Variants in LIFR observed in about 807,000 individuals in gnomAD.
LIFR encodes the protein leukemia inhibitory factor receptor.
LIFR carries 84 observed loss-of-function variants against 122.2 expected under a neutral mutation model. That is an observed-to-expected ratio of 0.69 (90% CI 0.58 to 0.82). The LOEUF (loss-of-function observed/expected upper bound fraction) is 0.82, where lower values mean the gene tolerates loss of function less well. LIFR is among the 40% of genes least tolerant of loss of function. The pLI is 0.00. For missense variants in LIFR, 1,294 were observed against 1,311.6 expected, an observed-to-expected ratio of 0.99 and a Z score of 0.21; for synonymous variants, 422 against 434.7, an observed-to-expected ratio of 0.97 and a Z score of 0.36.
chr5:38,514,281 A>G (rs977033807), intron 5 of LIFR, among the ~76,000 whole-genome samples: 7 of 152,190 alleles, frequency 4.6e-5, no homozygotes, highest in Non-Finnish European at 1.0e-4. Flanking sequence ...GCTGACACAC[A>G]TGTGTTTTTA....
rs1000519192 is a variant in LIFR at position 38,479,645 on chromosome 5, C to T, written c.*1950G>A. 2 of 230,154 alleles carry T rather than the reference C, an allele frequency of 8.7e-6. No individual in the cohort carries two copies. The highest frequency in any genetic ancestry group is 1.2e-4 in the East Asian group (2 of 16,230). The allele number at this position is 230,154 out of a possible 1,614,324, so 14.3% of individuals were successfully genotyped here. ...GGAGAGATAAAGTACGGGATTGATA[C>T]ATTTCAACAGGGAACAAGGCAGGAG... On this transcript the variant is annotated 3_prime_UTR_variant, in exon 20 of 20. Coordinates refer to ENST00000453190, the MANE Select transcript of LIFR (RefSeq NM_001127671.2).
At chr5:38,563,429 C>A (rs1748904819) in intron 1 of LIFR, among the ~76,000 whole-genome samples, 1 of 152,080 alleles carries the variant, frequency 6.6e-6, no homozygotes, top group Admixed American at 6.6e-5. Flanking sequence ...CATAAAGAGT[C>A]CCCATGCTAG....
intron 5 of LIFR, among the ~76,000 whole-genome samples, chr5:38,516,918 G>A (rs1264394733): frequency 6.6e-6 from 1 of 152,146 alleles, no homozygotes; most frequent in Non-Finnish European, 1.5e-5. Flanking sequence ...GGACATGAAT[G>A]AAGTTGGAAG....
intron 1 of LIFR, among the ~76,000 whole-genome samples, chr5:38,570,136 C>T (rs1488796923): frequency 1.3e-5 from 2 of 152,168 alleles, no homozygotes; most frequent in Non-Finnish European, 2.9e-5. Flanking sequence ...TATACCTTAA[C>T]TTGCCCGTCT....
chr5:38,510,406 T>A, intron 7 of LIFR, 58 bp downstream of exon 7: 10 of 1,515,028 alleles, frequency 6.6e-6, no homozygotes, highest in Non-Finnish European at 8.2e-6. Flanking sequence ...GAATTAAGGC[T>A]TTCAAGGAAG....
Position 38,506,495 on chromosome 5 carries a change from A to T in LIFR, c.1121+8T>A, listed in dbSNP as rs3730267. 1.2e-6 allele frequency: 2 copies of T among 1,613,930 alleles called. No individual in the cohort carries two copies. The highest frequency in any genetic ancestry group is 1.7e-6 in the Non-Finnish European group (2 of 1,179,950). On this transcript the variant is annotated splice_region_variant and intron_variant, in intron 8 of 19. Coordinates refer to ENST00000453190, the MANE Select transcript of LIFR (RefSeq NM_001127671.2). ...TGCCATCTGACATCTTTTCCCAGTT[A>T]TCATTACCTTTCAACTAAAGTGTAG... is the stretch of plus-strand genomic sequence containing the variant.
chr5:38,597,463 G>C (rs115046183), upstream of LIFR, among the ~76,000 whole-genome samples: 1,063 of 152,314 alleles, frequency 7.0e-3, 13 homozygotes, highest in African/African-American at 0.024. Flanking sequence ...ATTAGTCACT[G>C]TAATTGCACA....
At chr5:38,518,383 T>A (rs968864663) in intron 5 of LIFR, among the ~76,000 whole-genome samples, 1 of 152,110 alleles carries the variant, frequency 6.6e-6, no homozygotes, top group Admixed American at 6.5e-5. Context: ...CCTGGGACTG[T>A]TGTGAGGATA....
intron 1 of LIFR, among the ~76,000 whole-genome samples, chr5:38,541,557 C>T (rs139251469): frequency 2.6e-5 from 4 of 152,214 alleles, no homozygotes; most frequent in African/African-American, 4.8e-5. Flanking sequence ...GCTTTTATCA[C>T]ATGATCAACC....
intron 1 of LIFR, chr5:38,530,929 C>T (rs544020612): frequency 6.5e-5 from 25 of 382,306 alleles, no homozygotes; most frequent in African/African-American, 4.7e-4. Context: ...TATAAAATTA[C>T]AACAAAATTA....
intron 1 of LIFR, among the ~76,000 whole-genome samples, chr5:38,570,682 T>C (rs1323916565): frequency 6.6e-6 from 1 of 152,228 alleles, no homozygotes; most frequent in Non-Finnish European, 1.5e-5. Context: ...TTCAGTGACT[T>C]GCCTAATTAA....
chr5:38,498,692 T>C (rs746969650), intron 12 of LIFR, among the ~76,000 whole-genome samples: 5 of 152,212 alleles, frequency 3.3e-5, no homozygotes, highest in African/African-American at 4.8e-5. Context: ...CTTTCGTATA[T>C]TGAAGTAAAT....
chr5:38,598,683 A>T (rs1210169432), upstream of LIFR, among the ~76,000 whole-genome samples: 2 of 151,718 alleles, frequency 1.3e-5, no homozygotes, highest in Non-Finnish European at 2.9e-5. Flanking sequence ...ACTCCTTCTC[A>T]GCTCCTCCAC....
chr5:38,547,272 G>A (rs1580163359), intron 1 of LIFR, among the ~76,000 whole-genome samples: 1 of 152,108 alleles, frequency 6.6e-6, no homozygotes, highest in Non-Finnish European at 1.5e-5. Context: ...AGTCTCACAC[G>A]TATCTTAAAC....
chr5:38,568,593 G>A (rs969124449), intron 1 of LIFR, among the ~76,000 whole-genome samples: 1 of 152,170 alleles, frequency 6.6e-6, no homozygotes, highest in African/African-American at 2.4e-5. Flanking sequence ...GTCAAGAAGA[G>A]ACACTGCACT....
chr5:38,530,484 T>G, intron 2 of LIFR, 22 bp downstream of exon 2: 1 of 1,601,236 alleles, frequency 6.2e-7, no homozygotes, highest in Non-Finnish European at 8.6e-7. Context: ...CTGTTCATTC[T>G]CTGGAAGGCT....
In LIFR at chr5:38,527,131, TTGAG is replaced by T. The variant is rs755153337; in HGVS notation, c.397+20_397+23del. On this transcript the variant is annotated intron_variant, in intron 4 of 19. Coordinates refer to ENST00000453190, the MANE Select transcript of LIFR (RefSeq NM_001127671.2). ...AAGTGACACTTGACTTACTTTAAAA[TTGAG>T]TTTGTTTTCAAATACTTACAAACGT... 5.5e-5 allele frequency: 87 copies of T among 1,570,768 alleles called. No homozygotes were observed. The African/African-American group carries it at 1.1e-3, about 19-fold the overall frequency.
chr5:38,507,563 CAAAAAAAAAAAA>C (rs35427960), intron 7 of LIFR, among the ~76,000 whole-genome samples: 1 of 110,946 alleles, frequency 9.0e-6, no homozygotes, highest in Non-Finnish European at 1.7e-5. Context: ...TACTCCGTCT[CAAAAAAAAAAAA>C]AAAAAAAGTG....
intron 14 of LIFR, 45 bp from the exon 15 acceptor site, chr5:38,490,336 T>A (rs776320259): frequency 1.2e-6 from 1 of 823,918 alleles, no homozygotes. Flanking sequence ...TATATTACTA[T>A]GAATATCTAT....
Sources: gnomAD v4.1 joint callset for allele counts (sites outside exome capture counted in the v4.1 genomes callset) on GRCh38, gnomAD v4.1.1 for gene constraint, MANE v1.5 for transcripts, NCBI Gene and HGNC (gene_info 2026-07-23, HGNC 2026-07-21) for gene names.